MCCC2: variants seen among roughly 807,000 people sequenced by gnomAD.
MCCC2 encodes methylcrotonoyl-CoA carboxylase beta chain, mitochondrial.
Under a neutral mutation model 77.2 loss-of-function variants are expected in MCCC2, and 52 were observed. That is an observed-to-expected ratio of 0.67 (90% CI 0.54 to 0.85). The LOEUF is 0.85. Ranked by LOEUF, MCCC2 falls within the 40% of genes least tolerant of loss-of-function variation. MCCC2 has a pLI of 0.00. For missense variants in MCCC2, 682 were observed against 703.2 expected (o/e 0.97, Z 0.34); for synonymous variants, 253 against 248.4 (o/e 1.02, Z -0.18).
At chr5:71,603,940 C>A (rs532017548) in intron 5 of MCCC2, among the ~76,000 whole-genome samples, 2 of 152,216 alleles carry the variant, frequency 1.3e-5, no homozygotes, top group African/African-American at 4.8e-5. Flanking sequence ...GACCTGTGTA[C>A]CCACCACTCC....
At chr5:71,648,038 G>A (rs1199189362) in intron 13 of MCCC2, among the ~76,000 whole-genome samples, 1 of 152,166 alleles carries the variant, frequency 6.6e-6, no homozygotes, top group Non-Finnish European at 1.5e-5. Flanking sequence ...GGAGATTGAG[G>A]AGTTTCTGAG....
chr5:71,621,394 T>G (rs1407438951), intron 6 of MCCC2, among the ~76,000 whole-genome samples: 4 of 152,174 alleles, frequency 2.6e-5, no homozygotes, highest in Non-Finnish European at 4.4e-5. Flanking sequence ...TTCCATTCAC[T>G]TTGTCACCTT....
chr5:71,591,439 T>G (rs1012265334), intron 1 of MCCC2, among the ~76,000 whole-genome samples: 7 of 149,394 alleles, frequency 4.7e-5, no homozygotes, highest in African/African-American at 1.7e-4. Context: ...GTTCTGTTTT[T>G]TTTTTTTTTT....
intron 2 of MCCC2, among the ~76,000 whole-genome samples, chr5:71,594,041 CTG>C (rs1250329693): frequency 6.6e-6 from 1 of 152,170 alleles, no homozygotes; most frequent in Non-Finnish European, 1.5e-5. Context: ...GTAGCTGAGA[CTG>C]TACCTGTGCC....
chr5:71,587,856 G>A (rs1186765390), intron 1 of MCCC2, among the ~76,000 whole-genome samples: 1 of 152,222 alleles, frequency 6.6e-6, no homozygotes, highest in Non-Finnish European at 1.5e-5. Context: ...CTCAGGTGGA[G>A]TCGCTGTGTT....
intron 10 of MCCC2, among the ~76,000 whole-genome samples, chr5:71,638,577 G>A (rs1747009162): frequency 1.3e-5 from 2 of 152,160 alleles, no homozygotes; most frequent in Admixed American, 1.3e-4. Flanking sequence ...CTGGAATGCA[G>A]TGGCGCAATC....
chr5:71,647,024 G>T, intron 13 of MCCC2, among the ~76,000 whole-genome samples: 1 of 152,206 alleles, frequency 6.6e-6, no homozygotes, highest in East Asian at 1.9e-4. Flanking sequence ...CTCCAGAGAT[G>T]ACCTTAACAT....
intron 10 of MCCC2, among the ~76,000 whole-genome samples, chr5:71,638,907 G>T (rs1237228334): frequency 6.6e-6 from 1 of 152,170 alleles, no homozygotes; most frequent in Non-Finnish European, 1.5e-5. Context: ...TATAACAGCA[G>T]GCATGAAAAG....
chr5:71,602,304 G>A (rs994753358), intron 4 of MCCC2, among the ~76,000 whole-genome samples: 3 of 152,152 alleles, frequency 2.0e-5, no homozygotes, highest in African/African-American at 7.2e-5. Context: ...CTTGTTAGAA[G>A]TAATTGTTTT....
intron 6 of MCCC2, among the ~76,000 whole-genome samples, chr5:71,616,046 C>G (rs1014262804): frequency 4.6e-5 from 7 of 152,168 alleles, no homozygotes; most frequent in Non-Finnish European, 1.0e-4. Context: ...ATAAAAATCC[C>G]TAAATGGTGT....
At chr5:71,654,198 T>C (rs1455171034) in intron 16 of MCCC2, among the ~76,000 whole-genome samples, 2 of 152,210 alleles carry the variant, frequency 1.3e-5, no homozygotes, top group Non-Finnish European at 2.9e-5. Context: ...GGTTTCACCA[T>C]GTTGGCCAGG....
At chr5:71,633,244 G>A (rs1232315333) in intron 8 of MCCC2, among the ~76,000 whole-genome samples, 1 of 150,952 alleles carries the variant, frequency 6.6e-6, no homozygotes, top group African/African-American at 2.4e-5. Context: ...GATTACAGGA[G>A]TGAGCCACTG....
At chr5:71,646,178 T>G in intron 12 of MCCC2, 33 bp from the exon 13 acceptor site, 1 of 1,587,930 alleles carries the variant, frequency 6.3e-7, no homozygotes, top group Non-Finnish European at 8.6e-7. Flanking sequence ...GTTAATTCCC[T>G]TTTAAAAAGA....
intron 16 of MCCC2, among the ~76,000 whole-genome samples, chr5:71,654,639 G>A (rs1446848733): frequency 6.6e-6 from 1 of 152,038 alleles, no homozygotes; most frequent in Non-Finnish European, 1.5e-5. Flanking sequence ...TGTATTTTGT[G>A]TGAGCTGTTA....
At chr5:71,596,820 G>A (rs1486244102) in intron 3 of MCCC2, among the ~76,000 whole-genome samples, 3 of 151,970 alleles carry the variant, frequency 2.0e-5, no homozygotes, top group South Asian at 2.1e-4. Context: ...TGTGCTTGTA[G>A]TCCCAGCTAC....
chr5:71,655,054 G>C (rs771786690), intron 16 of MCCC2, among the ~76,000 whole-genome samples: 8 of 152,016 alleles, frequency 5.3e-5, no homozygotes, highest in Non-Finnish European at 1.0e-4. Context: ...GGCTTGTCTC[G>C]AACTCCCAAC....
At chr5:71,621,318 A>G (rs941580209) in intron 6 of MCCC2, among the ~76,000 whole-genome samples, 4 of 152,060 alleles carry the variant, frequency 2.6e-5, no homozygotes, top group African/African-American at 9.7e-5. Context: ...CCTGGGCAAT[A>G]TTGGGAGGCC....
Position 71,656,809 on chromosome 5 carries a change from A to G in MCCC2, c.1641A>G (p.Ala547=), listed in dbSNP as rs377577000. The part of the protein sequence containing the change: ...TRLVLGLSFS[A]ALNAPIEKTD... The stretch of plus-strand genomic sequence containing the variant: ...TGGTCTTGGGTCTCAGTTTTAGTGC[A>G]GCCCTCAACGCACCAATAGAGAAGA... Residue 547 remains alanine, a synonymous_variant, in exon 17 of 17, where the codon GCA becomes GCG. Transcript: ENST00000340941. The G allele has an allele frequency of 6.2e-7, 1 of 1,614,054 alleles. No homozygotes were observed. The highest frequency in any genetic ancestry group is 1.3e-5 in the African/African-American group (1 of 74,938).
intron 6 of MCCC2, among the ~76,000 whole-genome samples, chr5:71,609,545 T>G (rs1304278643): frequency 2.0e-5 from 3 of 150,338 alleles, no homozygotes; most frequent in African/African-American, 7.3e-5. Flanking sequence ...AATTTGATCG[T>G]CTGAAGCCTT....
Sources: gnomAD v4.1 joint callset for allele counts (sites outside exome capture counted in the v4.1 genomes callset) on GRCh38, gnomAD v4.1.1 for gene constraint, MANE v1.5 for transcripts, NCBI Gene and HGNC (gene_info 2026-07-23, HGNC 2026-07-21) for gene names.